BAZ2B: variants seen among roughly 807,000 people sequenced by gnomAD.
BAZ2B encodes the protein bromodomain adjacent to zinc finger domain 2B, also known as bromodomain adjacent to zinc finger domain protein 2B.
In BAZ2B, 91 loss-of-function variants were observed where a neutral mutation model predicts 246.0. The observed-to-expected ratio is 0.37, with a 90% CI of 0.31 to 0.44. The LOEUF (loss-of-function observed/expected upper bound fraction) is 0.44. BAZ2B is among the 20% of genes least tolerant of loss of function. The pLI is 1.00. For synonymous variants in BAZ2B, 855 were observed against 860.0 expected (o/e 0.99, Z 0.10); for missense variants, 2,332 against 2,533.7 (o/e 0.92, Z 1.71).
At chr2:159,677,469 A>G in the BAZ2B span, among the ~76,000 whole-genome samples, 5 of 152,310 alleles carry the variant, frequency 3.3e-5, no homozygotes, top group East Asian at 9.6e-4. Context: ...ATGTTTTAAA[A>G]GAGGCAAGTT....
At chr2:159,581,875 G>A (rs1686876561) in intron 1 of BAZ2B, among the ~76,000 whole-genome samples, 1 of 137,340 alleles carries the variant, frequency 7.3e-6, no homozygotes, top group Non-Finnish European at 1.5e-5. Context: ...TGAACAATGA[G>A]AACACTTGGA....
At chr2:159,698,022 A>G in the BAZ2B span, among the ~76,000 whole-genome samples, 1 of 152,200 alleles carries the variant, frequency 6.6e-6, no homozygotes, top group South Asian at 2.1e-4. Flanking sequence ...TAATTTAACA[A>G]TACCTATTAT....
intron 2 of BAZ2B, among the ~76,000 whole-genome samples, chr2:159,537,923 C>G (rs2086215896): frequency 6.6e-6 from 1 of 152,162 alleles, no homozygotes; most frequent in South Asian, 2.1e-4. Flanking sequence ...CTCATGAAAT[C>G]CTTTCTATGT....
At chr2:159,594,106 T>C (rs1411247351) in intron 1 of BAZ2B, among the ~76,000 whole-genome samples, 2 of 152,092 alleles carry the variant, frequency 1.3e-5, no homozygotes, top group Non-Finnish European at 1.5e-5. Context: ...GCATGTGCAT[T>C]AAAAAACAAA....
Position 159,383,690 on chromosome 2 carries a change from C to A in BAZ2B, c.3687-10G>T. The A allele has an allele frequency of 6.2e-7, 1 of 1,603,634 alleles. No individual in the cohort carries two copies. Among genetic ancestry groups the A allele is most frequent in the Non-Finnish European group, 8.5e-7 (1 of 1,173,820 alleles). On this transcript the variant is annotated splice_polypyrimidine_tract_variant and intron_variant, in intron 23 of 36. Coordinates refer to ENST00000392783, the MANE Select transcript of BAZ2B (RefSeq NM_013450.4). Reference sequence around the variant, plus strand: ...GTTCTTGTCGATTTCACTGCCAATGCAAGAATTTATTAAAAAGTGTAAATT... The same window carrying A: ...GTTCTTGTCGATTTCACTGCCAATGAAAGAATTTATTAAAAAGTGTAAATT...
At chr2:159,558,634 T>G (rs1283798561) in intron 1 of BAZ2B, among the ~76,000 whole-genome samples, 1 of 152,084 alleles carries the variant, frequency 6.6e-6, no homozygotes, top group African/African-American at 2.4e-5. Flanking sequence ...GCCAAGACTG[T>G]GGGCAAGTTC....
chr2:159,704,672 G>A, the BAZ2B span, among the ~76,000 whole-genome samples: 2 of 151,886 alleles, frequency 1.3e-5, no homozygotes, highest in South Asian at 2.1e-4. Context: ...TAGTAGAGAT[G>A]GGCTTCACTA....
At chr2:159,401,446 A>G (rs2065050738) in intron 16 of BAZ2B, among the ~76,000 whole-genome samples, 1 of 152,232 alleles carries the variant, frequency 6.6e-6, no homozygotes, top group African/African-American at 2.4e-5. Context: ...ATTAAATAAA[A>G]TGCTTTAAAA....
At chr2:159,493,818 G>A (rs1577732391) in intron 2 of BAZ2B, among the ~76,000 whole-genome samples, 1 of 152,144 alleles carries the variant, frequency 6.6e-6, no homozygotes, top group Non-Finnish European at 1.5e-5. Context: ...GTAGGTCCAG[G>A]TTTTACTGGC....
intron 23 of BAZ2B, among the ~76,000 whole-genome samples, chr2:159,383,896 T>C (rs1037765672): frequency 1.3e-5 from 2 of 152,060 alleles, no homozygotes; most frequent in Non-Finnish European, 2.9e-5. Context: ...GATACAACAT[T>C]AGTATTAGAA....
chr2:159,403,358 C>T (rs2065397167), intron 16 of BAZ2B, among the ~76,000 whole-genome samples: 1 of 152,084 alleles, frequency 6.6e-6, no homozygotes, highest in Non-Finnish European at 1.5e-5. Flanking sequence ...GAGCTCAATG[C>T]TTTTTCAATG....
chr2:159,674,634 T>C, the BAZ2B span, among the ~76,000 whole-genome samples: 1 of 151,648 alleles, frequency 6.6e-6, no homozygotes, highest in Non-Finnish European at 1.5e-5. Flanking sequence ...GAGAATCACT[T>C]GAACCTGGGA....
chr2:159,347,668 T>A (rs1467505555), intron 30 of BAZ2B, 22 bp from the exon 31 acceptor site: 2 of 1,560,658 alleles, frequency 1.3e-6, no homozygotes, highest in Admixed American at 1.8e-5. Flanking sequence ...AAGAAATTAA[T>A]TTAAAAATCC....
chr2:159,570,422 C>G (rs917630572), intron 1 of BAZ2B, among the ~76,000 whole-genome samples: 5 of 152,158 alleles, frequency 3.3e-5, no homozygotes, highest in African/African-American at 1.2e-4. Flanking sequence ...ACCTCGTGAT[C>G]CGCCCGCCTC....
chr2:159,605,613 T>C (rs1169271960), intron 1 of BAZ2B, among the ~76,000 whole-genome samples: 1 of 151,590 alleles, frequency 6.6e-6, no homozygotes, highest in East Asian at 1.9e-4. Flanking sequence ...AAAAAACAGC[T>C]GGGCCCAGTG....
rs1344829292 is a variant in BAZ2B, at chr2:159,325,117, T to TTATATATATATATATA, written c.6210-179_6210-164dup. ...TTATATATATATATATATATATATT[T>TTATATATATATATATA]TATATATATATATATATATATATAT... On this transcript the variant is annotated intron_variant, in intron 35 of 36. Coordinates refer to ENST00000392783, the MANE Select transcript of BAZ2B (RefSeq NM_013450.4). Among the ~76,000 whole-genome samples, 4 of 3,394 alleles carry TTATATATATATATATA rather than the reference T, an allele frequency of 1.2e-3. 1 individual carries two copies. The highest frequency in any genetic ancestry group is 2.6e-3 in the African/African-American group (4 of 1,534). The allele number at this position is 3,394 out of a possible 152,430, so 2.2% of individuals were successfully genotyped here.
At chr2:159,367,086 T>C (rs2193925) in intron 27 of BAZ2B, among the ~76,000 whole-genome samples, 141,668 of 152,208 alleles carry the variant, frequency 0.93, 66,780 homozygotes, top group East Asian at 1. Flanking sequence ...GGTTTGTAGA[T>C]CCTGGTCCTT....
At chr2:159,630,678 C>A in the BAZ2B span, among the ~76,000 whole-genome samples, 3 of 151,962 alleles carry the variant, frequency 2.0e-5, no homozygotes, top group East Asian at 3.9e-4. Flanking sequence ...GGACTACAGG[C>A]GCCCGCTACC....
chr2:159,637,500 T>C, the BAZ2B span, among the ~76,000 whole-genome samples: 1 of 152,248 alleles, frequency 6.6e-6, no homozygotes, highest in African/African-American at 2.4e-5. Flanking sequence ...GGAAGGCCTC[T>C]ATATTGTGGT....
Sources: allele counts gnomAD v4.1 joint callset (sites outside exome capture counted in the v4.1 genomes callset), GRCh38; gene constraint gnomAD v4.1.1; transcripts MANE v1.5; gene names NCBI Gene and HGNC (gene_info 2026-07-23, HGNC 2026-07-21).